Variants in TCF20 observed in about 807,000 individuals in gnomAD.
TCF20 encodes transcription factor 20.
A neutral mutation model predicts 148.6 loss-of-function variants in TCF20; 3 were observed. The observed-to-expected ratio is 0.02, with a 90% CI of 0.01 to 0.05. TCF20 has a LOEUF of 0.05. TCF20 is among the 10% of genes least tolerant of loss of function. The pLI is 1.00. For synonymous variants in TCF20, 1,049 were observed against 909.5 expected (o/e 1.15, Z -2.76); for missense variants, 2,350 against 2,429.3 (o/e 0.97, Z 0.69).
chr22:42,217,420 CCT>C (rs1448789656), intron 1 of TCF20, among the ~76,000 whole-genome samples: 12 of 152,320 alleles, frequency 7.9e-5, no homozygotes, highest in African/African-American at 2.2e-4. Context: ...AACTCCCTCC[CCT>C]GTTTTATCCC....
chr22:42,270,326 G>A lies in TCF20; in HGVS notation c.-37+13C>T, dbSNP rs1296249308. On this transcript the variant is annotated intron_variant, in intron 1 of 5. Transcript: ENST00000677622. ...AACCCTCTCCCTGCCCCTCAGGCCC[G>A]GGAGGCGGTTACCTGCAGGAGCCCC... 6.6e-6 allele frequency among the ~76,000 whole-genome samples: 1 copy of A among 151,832 alleles called. No individual in the cohort carries two copies. The highest frequency in any genetic ancestry group is 1.5e-5 in the Non-Finnish European group (1 of 67,866).
intron 1 of TCF20, among the ~76,000 whole-genome samples, chr22:42,312,981 G>C (rs1927563363): frequency 6.6e-6 from 1 of 152,150 alleles, no homozygotes; most frequent in South Asian, 2.1e-4. Context: ...ACTGTTTCCT[G>C]TCCAGGAATG....
At chr22:42,184,145 A>G (rs1265575046) in intron 2 of TCF20, among the ~76,000 whole-genome samples, 2 of 152,162 alleles carry the variant, frequency 1.3e-5, no homozygotes, top group African/African-American at 4.8e-5. Flanking sequence ...AAATTGTGAC[A>G]TCAGGAGATC....
intron 1 of TCF20, among the ~76,000 whole-genome samples, chr22:42,281,228 A>G (rs1174863855): frequency 6.6e-6 from 1 of 152,156 alleles, no homozygotes; most frequent in Non-Finnish European, 1.5e-5. Context: ...CTTTAAATTC[A>G]AATCTGAGGC....
intron 1 of TCF20, among the ~76,000 whole-genome samples, chr22:42,255,220 C>T (rs140841084): frequency 3.6e-3 from 551 of 152,256 alleles, no homozygotes; most frequent in Non-Finnish European, 5.8e-3. Context: ...GGGCATGGTG[C>T]TCATGCCTGT....
At chr22:42,239,724 T>C (rs1367104987) in intron 1 of TCF20, among the ~76,000 whole-genome samples, 1 of 151,808 alleles carries the variant, frequency 6.6e-6, no homozygotes, top group Non-Finnish European at 1.5e-5. Flanking sequence ...GAGGTGGAGG[T>C]TGTAGTGAGC....
intron 1 of TCF20, among the ~76,000 whole-genome samples, chr22:42,230,547 G>A (rs1361877250): frequency 6.6e-6 from 1 of 152,092 alleles, no homozygotes; most frequent in Non-Finnish European, 1.5e-5. Flanking sequence ...TCAGGAGGCT[G>A]AGGCAGAGAA....
At chr22:42,326,900 G>A (rs949058822) in intron 1 of TCF20, among the ~76,000 whole-genome samples, 15 of 152,236 alleles carry the variant, frequency 9.9e-5, no homozygotes, top group African/African-American at 3.6e-4. Context: ...CTGCTCTGCA[G>A]CGGCCACTCA....
At chr22:42,215,854 A>T (rs1409823052) in intron 1 of TCF20, among the ~76,000 whole-genome samples, 1 of 152,144 alleles carries the variant, frequency 6.6e-6, no homozygotes, top group Admixed American at 6.5e-5. Flanking sequence ...TGAGGCAAGA[A>T]TCTGTAGTAG....
At chr22:42,197,853 A>G (rs996210511) in intron 2 of TCF20, among the ~76,000 whole-genome samples, 1 of 152,232 alleles carries the variant, frequency 6.6e-6, no homozygotes, top group African/African-American at 2.4e-5. Context: ...AAAGGAACTA[A>G]AAGTTTAAAA....
intron 1 of TCF20, among the ~76,000 whole-genome samples, chr22:42,340,518 G>A (rs1928145810): frequency 6.6e-6 from 1 of 152,124 alleles, no homozygotes; most frequent in South Asian, 2.1e-4. Flanking sequence ...CTCCTGGGAG[G>A]TGGCAGCACC....
At chr22:42,311,784 G>A (rs868178917) in intron 1 of TCF20, among the ~76,000 whole-genome samples, 2 of 152,166 alleles carry the variant, frequency 1.3e-5, no homozygotes, top group East Asian at 1.9e-4. Context: ...GAGCTGCCGC[G>A]TGTCCTCCCA....
In TCF20 at chr22:42,214,781, C is replaced by T; in HGVS notation, c.525G>A (p.Gln175=). ...TCAACTGCTGGACTTGCTGCTGCTG[C>T]TGCTGGCTGGAAGCCTGCTGTTGGT... ...AQYQQQASSQ[Q]QQQQVQQLRQ... Residue 175 remains glutamine (Q), a synonymous_variant, in exon 2 of 6, where the codon CAG becomes CAA. Transcript: ENST00000677622. 6.2e-7 allele frequency: 1 copy of T among 1,614,120 alleles called. No individual in the cohort carries two copies. The highest frequency in any genetic ancestry group is 8.5e-7 in the Non-Finnish European group (1 of 1,180,026).
At chr22:42,285,340 G>T (rs2147021196), upstream of TCF20, among the ~76,000 whole-genome samples, 1 of 151,644 alleles carries the variant, frequency 6.6e-6, no homozygotes, top group South Asian at 2.1e-4. The surrounding 1 kb of genome is among the most constrained non-coding windows in gnomAD (Gnocchi z 4.2). Flanking sequence ...AAGGACACAA[G>T]GCAGCTCCCA....
chr22:42,243,319 A>AAAAG (rs1418328003), intron 1 of TCF20, among the ~76,000 whole-genome samples: 10 of 146,988 alleles, frequency 6.8e-5, no homozygotes, highest in Admixed American at 6.1e-4. Flanking sequence ...AAAAAAAAAA[A>AAAAG]AAGTCAGGCA....
chr22:42,290,429 A>C lies in TCF20; in HGVS notation c.-37+53050T>G, dbSNP rs1459906078. Among the ~76,000 whole-genome samples, 1 of 152,194 alleles carries C rather than the reference A, an allele frequency of 6.6e-6. No homozygotes were observed. Among genetic ancestry groups the C allele is most frequent in the Non-Finnish European group, 1.5e-5 (1 of 68,018 alleles). On this transcript the variant is annotated intron_variant, in intron 1 of 1. Coordinates refer to the TCF20 transcript ENST00000515426. This position sits in a 1 kb window ranked among gnomAD's most constrained non-coding sequence, Gnocchi z 4.2. ...AATCTTTCATCTGCTCAAAATATAA[A>C]AACCCCAGTGAAGGGAGGCTGGGTC...
At chr22:42,197,391 C>T (rs781609759) in intron 2 of TCF20, among the ~76,000 whole-genome samples, 1 of 149,064 alleles carries the variant, frequency 6.7e-6, no homozygotes, top group Admixed American at 6.7e-5. Flanking sequence ...GGCGCGATCT[C>T]GGCTCACTGC....
chr22:42,189,691 T>C (rs973877564), intron 2 of TCF20, among the ~76,000 whole-genome samples: 5 of 152,188 alleles, frequency 3.3e-5, no homozygotes, highest in Non-Finnish European at 7.4e-5. Context: ...CTTTTTAAAA[T>C]AAATCCCTGC....
Position 42,160,842 on chromosome 22 carries a change from T to A in TCF20, c.*561A>T, listed in dbSNP as rs994785292. The A allele has an allele frequency of 9.2e-5, 14 of 152,402 alleles. No individual in the cohort carries two copies. In the East Asian group the frequency reaches 2.7e-3, roughly 29 times the overall value. The allele number at this position is 152,402 out of a possible 1,614,324, so 9.4% of individuals were successfully genotyped here. On this transcript the variant is annotated 3_prime_UTR_variant, in exon 6 of 6. Coordinates refer to ENST00000677622, the MANE Select transcript of TCF20 (RefSeq NM_001378418.1). ...GCTTTTTCAATCCTGGGTCTAGTGT[T>A]TTCTGAACTGGTGTGAGACAGGCTA...
Sources: gnomAD v4.1 joint callset for allele counts (sites outside exome capture counted in the v4.1 genomes callset) on GRCh38, gnomAD v4.1.1 for gene constraint, Gnocchi (gnomAD v3.1) non-coding constraint, MANE v1.5 for transcripts, NCBI Gene and HGNC (gene_info 2026-07-23, HGNC 2026-07-21) for gene names.